Variants in JPH3 observed in about 807,000 individuals in gnomAD.
JPH3 encodes junctophilin 3.
JPH3 carries 11 observed loss-of-function variants against 59.6 expected under a neutral mutation model. The ratio of observed to expected loss-of-function variants is 0.18; its 90% confidence interval spans 0.12 to 0.31. JPH3 has a LOEUF of 0.31. JPH3 is among the 10% of genes least tolerant of loss of function. The pLI is 1.00. For missense variants in JPH3, 1,202 were observed against 1,105.7 expected (o/e 1.09, Z -1.24); for synonymous variants, 673 against 483.6 (o/e 1.39, Z -5.14).
chr16:87,630,676 T>C (rs981808652), intron 1 of JPH3, among the ~76,000 whole-genome samples: 6 of 152,236 alleles, frequency 3.9e-5, no homozygotes, highest in African/African-American at 1.2e-4. Flanking sequence ...TGACATTTGG[T>C]GCTAAAAACA....
In JPH3 at chr16:87,668,210, C is replaced by T. The variant is rs78395188; in HGVS notation, c.1161-15932C>T. Reference sequence around the variant, plus strand: ...CCTCTGGGAAGCTCTGGCCTCTTCACCAGCCCTGCGCGGCTGCTGGATCTG... The same window carrying T: ...CCTCTGGGAAGCTCTGGCCTCTTCATCAGCCCTGCGCGGCTGCTGGATCTG... On this transcript the variant is annotated intron_variant, in intron 2 of 4. Coordinates refer to ENST00000284262, the MANE Select transcript of JPH3 (RefSeq NM_020655.4). 1.6e-4 allele frequency among the ~76,000 whole-genome samples: 25 copies of T among 152,350 alleles called. No individual in the cohort carries two copies. In the East Asian group the frequency reaches 4.8e-3, roughly 29 times the overall value.
At chr16:87,660,960 C>T (rs888326558) in intron 2 of JPH3, among the ~76,000 whole-genome samples, 1 of 152,190 alleles carries the variant, frequency 6.6e-6, no homozygotes. Context: ...TCTGAAATGA[C>T]TGGGATCAGA....
At chr16:87,696,502 G>C (rs878929423) in intron 4 of JPH3, 78 bp from the exon 5 acceptor site, 1 of 1,199,220 alleles carries the variant, frequency 8.3e-7, no homozygotes, top group Admixed American at 1.7e-5. Flanking sequence ...TTGGTGAAAA[G>C]ACGTGGGTGG....
intron 2 of JPH3, among the ~76,000 whole-genome samples, chr16:87,667,692 C>T (rs1215656832): frequency 6.6e-6 from 1 of 152,204 alleles, no homozygotes; most frequent in African/African-American, 2.4e-5. Context: ...AGATCCTGGC[C>T]TCCCGGAGCT....
intron 2 of JPH3, among the ~76,000 whole-genome samples, chr16:87,645,801 C>T (rs1027602599): frequency 7.9e-5 from 12 of 152,158 alleles, no homozygotes; most frequent in East Asian, 5.8e-4. Context: ...GGCTGGTCCC[C>T]GCCAAGCTGT....
Position 87,644,443 on chromosome 16 carries a change from G to C in JPH3, c.568G>C (p.Ala190Pro). The change falls in exon 2 of 5, where the codon GCC becomes CCC. Residue 190 changes from alanine (A) to proline (P), a missense_variant. By Grantham distance (27) the Ala-to-Pro change is conservative (BLOSUM62 -1). Transcript: ENST00000284262. ...DASPAVAGSP[A>P]VSRGGFVLVA... ...CTCTCCGGCGGTGGCCGGCAGCCCGGCCGTGTCCCGCGGGGGCTTCGTGCT... is the reference window on the plus strand; with the variant it reads ...CTCTCCGGCGGTGGCCGGCAGCCCGCCCGTGTCCCGCGGGGGCTTCGTGCT... The C allele has an allele frequency of 6.2e-7, 1 of 1,612,364 alleles. No individual in the cohort carries two copies. Among genetic ancestry groups the C allele is most frequent in the East Asian group, 2.2e-5 (1 of 44,850 alleles).
chr16:87,638,534 A>T (rs1017170569), intron 1 of JPH3, among the ~76,000 whole-genome samples: 1 of 151,472 alleles, frequency 6.6e-6, no homozygotes, highest in Non-Finnish European at 1.5e-5. Flanking sequence ...AGTGAACATG[A>T]GGGCTCCTGG....
At chr16:87,658,012 C>T (rs1041837689) in intron 2 of JPH3, among the ~76,000 whole-genome samples, 1 of 152,212 alleles carries the variant, frequency 6.6e-6, no homozygotes, top group Non-Finnish European at 1.5e-5. Context: ...GCAGCAAAGA[C>T]TTCCTGGGTG....
intron 2 of JPH3, among the ~76,000 whole-genome samples, chr16:87,649,747 C>G (rs970710488): frequency 6.6e-6 from 1 of 152,140 alleles, no homozygotes; most frequent in African/African-American, 2.4e-5. Context: ...CCCCTCCCCA[C>G]TTTGGCCCCT....
intron 4 of JPH3, among the ~76,000 whole-genome samples, chr16:87,691,070 G>C (rs966816995): frequency 6.8e-6 from 1 of 147,756 alleles, no homozygotes; most frequent in Non-Finnish European, 1.5e-5. Flanking sequence ...GCAACTCACC[G>C]TCAGCCTCAC....
chr16:87,645,337 A>G (rs2032110778), intron 2 of JPH3, among the ~76,000 whole-genome samples: 1 of 152,162 alleles, frequency 6.6e-6, no homozygotes, highest in East Asian at 1.9e-4. Context: ...AATATTGGTG[A>G]ATAAAGAAGG....
intron 1 of JPH3, among the ~76,000 whole-genome samples, chr16:87,603,872 G>A (rs1346560003): frequency 6.6e-6 from 1 of 152,246 alleles, no homozygotes; most frequent in East Asian, 1.9e-4. Context: ...CAAGGGCAGA[G>A]GGGGCTGGGA....
chr16:87,628,551 C>A (rs1299822126), intron 1 of JPH3, among the ~76,000 whole-genome samples: 1 of 152,206 alleles, frequency 6.6e-6, no homozygotes, highest in Non-Finnish European at 1.5e-5. Flanking sequence ...GCAGACATGC[C>A]TGTAGGGGTC....
rs969541124 is a variant in JPH3 at position 87,611,062 on chromosome 16, G to A, written c.382+7534G>A. On this transcript the variant is annotated intron_variant, in intron 1 of 4. Coordinates refer to ENST00000284262, the MANE Select transcript of JPH3 (RefSeq NM_020655.4). The surrounding 1 kb of genome is among the most constrained non-coding windows in gnomAD (Gnocchi z 4.5). ...TGAATCAGCCTTAAGTATTTGCTGA[G>A]CATTGAGTATGTACGCAGTACAGAG... 1.3e-5 allele frequency among the ~76,000 whole-genome samples: 2 copies of A among 152,224 alleles called. No homozygotes were observed. The highest frequency in any genetic ancestry group is 2.9e-5 in the Non-Finnish European group (2 of 68,046).
intron 2 of JPH3, among the ~76,000 whole-genome samples, chr16:87,659,374 C>CGGAAAAAAAAAAAAAAAAAAAAAAAA (rs1362136229): frequency 2.7e-5 from 2 of 74,556 alleles, no homozygotes; most frequent in Admixed American, 1.4e-4. Context: ...AAGACTGTCT[C>CGGAAAAAAAAAAAAAAAAAAAAAAAA]AAAAAAAAAA....
chr16:87,663,310 G>A (rs937527477), intron 2 of JPH3, among the ~76,000 whole-genome samples: 4 of 152,094 alleles, frequency 2.6e-5, no homozygotes, highest in Non-Finnish European at 4.4e-5. Flanking sequence ...GCTTCACCAC[G>A]TTGGTCAGGC....
chr16:87,604,935 C>A, intron 1 of JPH3: 1 of 451,122 alleles, frequency 2.2e-6, no homozygotes, highest in East Asian at 7.0e-5. Context: ...GCGCTGAGGG[C>A]CGGGCGGGAG....
At chr16:87,609,235 TG>T (rs1323760328) in intron 1 of JPH3, among the ~76,000 whole-genome samples, 6 of 152,198 alleles carry the variant, frequency 3.9e-5, no homozygotes, top group African/African-American at 1.2e-4. Flanking sequence ...GAGGTGGGTT[TG>T]GGGGTGAGAC....
intron 2 of JPH3, among the ~76,000 whole-genome samples, chr16:87,648,244 A>AAAAAAAGG (rs1454230134): frequency 2.0e-5 from 3 of 152,054 alleles, no homozygotes; most frequent in Middle Eastern, 3.4e-3. Context: ...ATTTGGGGAA[A>AAAAAAAGG]AAAAAAAGGA....
Sources: allele counts gnomAD v4.1 joint callset (sites outside exome capture counted in the v4.1 genomes callset), GRCh38; gene constraint gnomAD v4.1.1; non-coding constraint Gnocchi (gnomAD v3.1); transcripts MANE v1.5; gene names NCBI Gene and HGNC (gene_info 2026-07-23, HGNC 2026-07-21).